The following ITGA8 variants were observed in gnomAD, a reference collection of about 807,000 sequenced individuals.
ITGA8 encodes the protein integrin alpha-8.
A neutral mutation model predicts 142.3 loss-of-function variants in ITGA8; 91 were observed. The observed-to-expected ratio is 0.64, with a 90% CI of 0.54 to 0.76. The LOEUF is 0.76. Ranked by LOEUF, ITGA8 falls within the 30% of genes least tolerant of loss-of-function variation. The pLI is 0.00. For synonymous variants in ITGA8, 505 were observed against 485.2 expected, an observed-to-expected ratio of 1.04 and a Z score of -0.54; for missense variants, 1,406 against 1,327.7, an observed-to-expected ratio of 1.06 and a Z score of -0.92.
chr10:15,548,370 A>C (rs980893719), intron 27 of ITGA8, 85 bp downstream of exon 27: 6 of 916,990 alleles, frequency 6.5e-6, no homozygotes, highest in Non-Finnish European at 8.5e-6. Context: ...TAAATTAGAA[A>C]TCGCTATGAA....
At chr10:15,617,087 A>G (rs1001868731) in intron 13 of ITGA8, among the ~76,000 whole-genome samples, 1 of 152,266 alleles carries the variant, frequency 6.6e-6, no homozygotes, top group Non-Finnish European at 1.5e-5. Flanking sequence ...AATAACTAAC[A>G]TATTATAATG....
intron 2 of ITGA8, among the ~76,000 whole-genome samples, chr10:15,718,287 C>A (rs777408947): frequency 2.0e-4 from 30 of 152,210 alleles, no homozygotes; most frequent in Non-Finnish European, 4.0e-4. Context: ...AAAATTCTTT[C>A]TTTCTGTAAA....
chr10:15,522,707 G>A (rs1833093092), intron 28 of ITGA8, among the ~76,000 whole-genome samples: 1 of 152,134 alleles, frequency 6.6e-6, no homozygotes, highest in Admixed American at 6.6e-5. Context: ...TTCCTCTCCT[G>A]GTTTACCTAA....
chr10:15,699,088 A>G (rs540633681), intron 2 of ITGA8, among the ~76,000 whole-genome samples: 1 of 152,300 alleles, frequency 6.6e-6, no homozygotes, highest in East Asian at 1.9e-4. Context: ...GTTCGAAACG[A>G]GCATGGCCAA....
intron 26 of ITGA8, among the ~76,000 whole-genome samples, chr10:15,553,285 A>G (rs1460007274): frequency 6.8e-6 from 1 of 146,524 alleles, no homozygotes; most frequent in African/African-American, 2.5e-5. Context: ...TTGAATTACA[A>G]TCTTCCAGTT....
intron 20 of ITGA8, among the ~76,000 whole-genome samples, chr10:15,602,737 C>G (rs10795310): frequency 0.41 from 61,207 of 148,776 alleles, 12,637 homozygotes; most frequent in South Asian, 0.58. Context: ...GACCCTGTCT[C>G]AAAAAAAAAA....
chr10:15,519,910 GA>G (rs1474844592), intron 28 of ITGA8, among the ~76,000 whole-genome samples: 1 of 152,164 alleles, frequency 6.6e-6, no homozygotes, highest in African/African-American at 2.4e-5. Flanking sequence ...TTACAGGTGA[GA>G]AAATTAACTC....
chr10:15,543,050 C>G (rs972088290), intron 27 of ITGA8, among the ~76,000 whole-genome samples: 1 of 152,118 alleles, frequency 6.6e-6, no homozygotes, highest in Non-Finnish European at 1.5e-5. Context: ...TGGCTTACAC[C>G]AAGTAGAATA....
chr10:15,684,610 T>C (rs1172204067), intron 3 of ITGA8, among the ~76,000 whole-genome samples: 1 of 152,114 alleles, frequency 6.6e-6, no homozygotes, highest in Non-Finnish European at 1.5e-5. Context: ...TGGGCTTAAG[T>C]GATCCTCTTG....
intron 13 of ITGA8, among the ~76,000 whole-genome samples, chr10:15,629,062 G>A (rs1588685191): frequency 6.6e-6 from 1 of 151,754 alleles, no homozygotes; most frequent in South Asian, 2.1e-4. Flanking sequence ...TACTCACGGC[G>A]CTTTTTCCAT....
intron 27 of ITGA8, among the ~76,000 whole-genome samples, chr10:15,546,959 A>G (rs575634954): frequency 6.6e-6 from 1 of 152,208 alleles, no homozygotes; most frequent in Admixed American, 6.5e-5. Context: ...TTTTAAAAAC[A>G]AAAATAAGAT....
Position 15,719,210 on chromosome 10 carries a change from A to C in ITGA8, c.210-311T>G, listed in dbSNP as rs9333260. Among the ~76,000 whole-genome samples the C allele has an allele frequency of 0.096, 14,658 of 152,268 alleles. 905 individuals carry two copies. The highest frequency in any genetic ancestry group is 0.14 in the Non-Finnish European group (9,665 of 68,008). On this transcript the variant is annotated intron_variant, in intron 1 of 29. Coordinates refer to ENST00000378076, the MANE Select transcript of ITGA8 (RefSeq NM_003638.3). Reference sequence around the variant, plus strand: ...CTGGTAGCCGACAGCTCTTGCGCCCAGACGCAATGGTTACAGACTCTGCAT... The same window carrying C: ...CTGGTAGCCGACAGCTCTTGCGCCCCGACGCAATGGTTACAGACTCTGCAT...
intron 9 of ITGA8, among the ~76,000 whole-genome samples, chr10:15,659,557 A>C (rs1014440625): frequency 3.3e-5 from 5 of 152,230 alleles, no homozygotes; most frequent in African/African-American, 1.2e-4. Context: ...TTCTTTCAGA[A>C]GATCTATTTA....
At chr10:15,628,488 A>G (rs1479986852) in intron 13 of ITGA8, among the ~76,000 whole-genome samples, 1 of 150,804 alleles carries the variant, frequency 6.6e-6, no homozygotes, top group African/African-American at 2.5e-5. Context: ...GCCCACCACC[A>G]CGCCTGGCTA....
At chr10:15,665,958 C>T (rs1830822418) in intron 8 of ITGA8, among the ~76,000 whole-genome samples, 1 of 152,220 alleles carries the variant, frequency 6.6e-6, no homozygotes, top group Non-Finnish European at 1.5e-5. Flanking sequence ...GGTGATGCCT[C>T]CAGCTTTGTT....
At chr10:15,530,541 CAAAAAAAAA>C (rs57521125) in intron 28 of ITGA8, among the ~76,000 whole-genome samples, 2 of 75,222 alleles carry the variant, frequency 2.7e-5, no homozygotes, top group South Asian at 7.7e-4. Context: ...GCGAGACTCT[CAAAAAAAAA>C]AAAAAAAAAA....
chr10:15,574,022 A>G (rs912490998), intron 24 of ITGA8, among the ~76,000 whole-genome samples: 21 of 152,140 alleles, frequency 1.4e-4, no homozygotes, highest in Non-Finnish European at 2.8e-4. Flanking sequence ...GGCCCTTGCT[A>G]TGTTGGCCAG....
In ITGA8 at chr10:15,715,363, G is replaced by T. The variant is rs924335909; in HGVS notation, c.343+3403C>A. Among the ~76,000 whole-genome samples, 3 of 152,222 alleles carry T rather than the reference G, an allele frequency of 2.0e-5. No individual in the cohort carries two copies. The South Asian group carries it at 6.2e-4, about 32-fold the overall frequency. On this transcript the variant is annotated intron_variant, in intron 2 of 29. Transcript: ENST00000378076. ...GGGGAATGGAGGAGAGGGAGGGAAG[G>T]CAAATATAGCCTTCCAAAGCTCCTT...
intron 29 of ITGA8, among the ~76,000 whole-genome samples, chr10:15,517,904 T>C (rs539538413): frequency 1.3e-5 from 2 of 152,364 alleles, no homozygotes; most frequent in South Asian, 4.1e-4. Context: ...GCAGAAGCAC[T>C]AACTATTGAC....
Sources: gnomAD v4.1 joint callset for allele counts (sites outside exome capture counted in the v4.1 genomes callset) on GRCh38, gnomAD v4.1.1 for gene constraint, MANE v1.5 for transcripts, NCBI Gene and HGNC (gene_info 2026-07-23, HGNC 2026-07-21) for gene names.